The following TMCO4 variants were observed in gnomAD, a reference collection of about 807,000 sequenced individuals.
The protein encoded by TMCO4 is transmembrane and coiled-coil domains 4.
TMCO4 carries 58 observed loss-of-function variants against 64.7 expected under a neutral mutation model. That is an observed-to-expected ratio of 0.90 (90% CI 0.73 to 1.12). The LOEUF (loss-of-function observed/expected upper bound fraction) is 1.12, where lower values mean the gene tolerates loss of function less well. Ranked by LOEUF, TMCO4 falls within the 50% of genes most tolerant of loss-of-function variation. The pLI, the probability that TMCO4 is intolerant of heterozygous loss-of-function variation, is 0.00. For synonymous variants in TMCO4, 325 were observed against 346.1 expected (o/e 0.94, Z 0.68); for missense variants, 780 against 825.9 (o/e 0.94, Z 0.68).
intron 2 of TMCO4, among the ~76,000 whole-genome samples, chr1:19,795,208 C>T (rs756392165): frequency 8.5e-5 from 13 of 152,202 alleles, no homozygotes; most frequent in Admixed American, 2.0e-4. Flanking sequence ...CAGTGGCTCA[C>T]GCCTGCAATC....
In TMCO4 at chr1:19,699,639, C is replaced by T. The variant is rs6702329; in HGVS notation, c.1382+1129G>A. ...TGCGATCTTAGCTCACTGCAACCTC[C>T]GCCTCCCAGGTTCAAGTGATTGTCC... On this transcript the variant is annotated intron_variant, in intron 14 of 15. Transcript: ENST00000294543. 5.3e-3 allele frequency among the ~76,000 whole-genome samples: 810 copies of T among 152,112 alleles called. 6 individuals carry two copies. The highest frequency in any genetic ancestry group is 0.018 in the African/African-American group (761 of 41,504).
intron 13 of TMCO4, among the ~76,000 whole-genome samples, chr1:19,724,118 T>C (rs565576833): frequency 1.5e-4 from 23 of 152,302 alleles, no homozygotes; most frequent in African/African-American, 5.3e-4. Flanking sequence ...ACAGATTAAA[T>C]GAATCCCACT....
At chr1:19,762,405 C>A (rs1570939012) in intron 6 of TMCO4, among the ~76,000 whole-genome samples, 1 of 152,132 alleles carries the variant, frequency 6.6e-6, no homozygotes, top group Admixed American at 6.5e-5. Context: ...GTGCCAGACA[C>A]CCAGAACTGC....
At position 19,718,432 on chromosome 1, in the gene TMCO4, C is replaced by T. The variant is rs112856765; in HGVS notation, c.1265-17547G>A. 1.5e-3 allele frequency among the ~76,000 whole-genome samples: 234 copies of T among 151,702 alleles called. 3 individuals are homozygous for T. The highest frequency in any genetic ancestry group is 0.012 in the South Asian group (58 of 4,780). On this transcript the variant is annotated intron_variant, in intron 13 of 15. Transcript: ENST00000294543. ...CTTTGGGAGGTCGAGGTGGGAGGAT[C>T]GCTTGAGGCCAGGAGTTTGAGACTA...
chr1:19,705,095 G>T (rs1453699695), intron 13 of TMCO4, among the ~76,000 whole-genome samples: 1 of 152,188 alleles, frequency 6.6e-6, no homozygotes, highest in Non-Finnish European at 1.5e-5. Flanking sequence ...TAGACCAGGG[G>T]TGTCCAATCT....
chr1:19,699,611 T>A (rs1570665707), intron 14 of TMCO4, among the ~76,000 whole-genome samples: 1 of 151,664 alleles, frequency 6.6e-6, no homozygotes, highest in African/African-American at 2.4e-5. Flanking sequence ...TGGAGTACAG[T>A]GGTGCGATCT....
At chr1:19,731,171 G>T (rs2095428293) in intron 13 of TMCO4, among the ~76,000 whole-genome samples, 1 of 152,174 alleles carries the variant, frequency 6.6e-6, no homozygotes, top group Admixed American at 6.5e-5. Flanking sequence ...GAGGAAGAGG[G>T]TAGGAGGCGC....
At position 19,683,313 on chromosome 1, in the gene TMCO4, G is replaced by C; in HGVS notation, c.1632C>G (p.Arg544=). 1.9e-6 allele frequency: 3 copies of C among 1,614,016 alleles called. No homozygotes were observed. Among genetic ancestry groups the C allele is most frequent in the Non-Finnish European group, 2.5e-6 (3 of 1,179,934 alleles). Residue 544 remains arginine (R), a synonymous_variant, in exon 16 of 16, where the codon CGC becomes CGG. Transcript: ENST00000294543. ...APGCLPSEEP[R]QAAAAASSGE... ...CTGATGAGGCGGCAGCTGCTGCCTGGCGAGGCTCCTCGGAGGGCAGGCAGC... is the reference window on the plus strand; with the variant it reads ...CTGATGAGGCGGCAGCTGCTGCCTGCCGAGGCTCCTCGGAGGGCAGGCAGC...
At chr1:19,780,851 A>C in intron 3 of TMCO4, 85 bp from the exon 4 acceptor site, 11 of 1,127,734 alleles carry the variant, frequency 9.8e-6, no homozygotes, top group African/African-American at 1.6e-5. Context: ...CAAACCATAA[A>C]AGGTTGATAA....
chr1:19,773,392 AG>A (rs2043070893), intron 4 of TMCO4, among the ~76,000 whole-genome samples: 1 of 152,144 alleles, frequency 6.6e-6, no homozygotes, highest in Non-Finnish European at 1.5e-5. Context: ...CAGCCCCTGC[AG>A]GGAGTTCTAA....
intron 13 of TMCO4, among the ~76,000 whole-genome samples, chr1:19,726,167 C>A (rs2095407993): frequency 6.6e-6 from 1 of 152,178 alleles, no homozygotes; most frequent in Non-Finnish European, 1.5e-5. Flanking sequence ...TAAGCATCAG[C>A]CACATTCTAG....
At chr1:19,749,521 C>T (rs1440522702) in intron 7 of TMCO4, among the ~76,000 whole-genome samples, 5 of 152,118 alleles carry the variant, frequency 3.3e-5, no homozygotes, top group Admixed American at 2.6e-4. Flanking sequence ...ATATGCACCA[C>T]CACGCTTGGG....
chr1:19,772,124 A>G (rs1174003773), intron 4 of TMCO4, among the ~76,000 whole-genome samples: 4 of 152,208 alleles, frequency 2.6e-5, no homozygotes, highest in Non-Finnish European at 5.9e-5. Flanking sequence ...GGAAGCTCAC[A>G]GCAGGGTGGA....
intron 13 of TMCO4, among the ~76,000 whole-genome samples, chr1:19,733,914 T>C (rs1170672551): frequency 1.3e-5 from 2 of 152,202 alleles, no homozygotes; most frequent in Admixed American, 1.3e-4. Flanking sequence ...TTTCCTCCTC[T>C]GTAAAATGGA....
chr1:19,749,057 G>GC (rs1219574312), intron 7 of TMCO4, among the ~76,000 whole-genome samples: 1 of 152,188 alleles, frequency 6.6e-6, no homozygotes, highest in Non-Finnish European at 1.5e-5. Flanking sequence ...CATGATACTG[G>GC]TTTTCCACAA....
rs566666260 is a variant in TMCO4, at chr1:19,764,574, G to A, written c.382+5968C>T. Among the ~76,000 whole-genome samples the A allele has an allele frequency of 2.6e-5, 4 of 152,292 alleles. No homozygotes were observed. The South Asian group carries it at 8.3e-4, about 32-fold the overall frequency. Reference sequence around the variant, plus strand: ...TATAAACTGTATGAGTCTCAAGGATGTTGGGCTGGGCGTGGTGGTGGCTCA... The same window carrying A: ...TATAAACTGTATGAGTCTCAAGGATATTGGGCTGGGCGTGGTGGTGGCTCA... On this transcript the variant is annotated intron_variant, in intron 6 of 15. Coordinates refer to ENST00000294543, the MANE Select transcript of TMCO4 (RefSeq NM_181719.7).
rs367742430 is a variant in TMCO4, at chr1:19,766,818, T to C, written c.382+3724A>G. ...TTATTCGTTAGAACAGATAAAGAGG[T>C]TGGACATGACAACCGTCAGCAAACC... is the stretch of plus-strand genomic sequence containing the variant. On this transcript the variant is annotated intron_variant, in intron 6 of 15. Coordinates refer to ENST00000294543, the MANE Select transcript of TMCO4 (RefSeq NM_181719.7). Among the ~76,000 whole-genome samples the C allele has an allele frequency of 9.9e-5, 15 of 152,218 alleles. No homozygotes were observed. The East Asian group carries it at 2.1e-3, about 22-fold the overall frequency.
chr1:19,725,242 G>A (rs1036004239), intron 13 of TMCO4, among the ~76,000 whole-genome samples: 1 of 152,194 alleles, frequency 6.6e-6, no homozygotes. Flanking sequence ...CTGCAGGCAG[G>A]CTGGCTCAGC....
At chr1:19,697,468 C>T (rs2095244278) in intron 14 of TMCO4, among the ~76,000 whole-genome samples, 1 of 149,818 alleles carries the variant, frequency 6.7e-6, no homozygotes, top group African/African-American at 2.5e-5. Context: ...TAGTCTCGCT[C>T]TGTTGCCCAG....
Sources: allele counts gnomAD v4.1 joint callset (sites outside exome capture counted in the v4.1 genomes callset), GRCh38; gene constraint gnomAD v4.1.1; transcripts MANE v1.5; gene names NCBI Gene and HGNC (gene_info 2026-07-23, HGNC 2026-07-21).